CLIC5: variants seen among roughly 807,000 people sequenced by gnomAD.
CLIC5 encodes CLIC family member 5.
CLIC5 carries 20 observed loss-of-function variants against 24.7 expected under a neutral mutation model. The ratio of observed to expected loss-of-function variants is 0.81; its 90% CI spans 0.57 to 1.18. The LOEUF is 1.18. Among genes scored for constraint, CLIC5 ranks in the 50% most tolerant of loss-of-function variants. The pLI is 0.00. For synonymous variants in CLIC5, 159 were observed against 135.6 expected, an observed-to-expected ratio of 1.17 and a Z score of -1.20; for missense variants, 341 against 326.1, an observed-to-expected ratio of 1.05 and a Z score of -0.35.
intron 1 of CLIC5, among the ~76,000 whole-genome samples, chr6:46,055,239 A>ATT (rs1228444268): frequency 2.6e-5 from 4 of 152,206 alleles, no homozygotes; most frequent in African/African-American, 7.2e-5. Context: ...AGTAGCTGGA[A>ATT]TTACAGGTGC....
At chr6:45,977,300 T>C (rs1264966139) in intron 1 of CLIC5, among the ~76,000 whole-genome samples, 1 of 152,208 alleles carries the variant, frequency 6.6e-6, no homozygotes, top group Non-Finnish European at 1.5e-5. Flanking sequence ...CAAGCTTTAA[T>C]GACAAGCATA....
At chr6:46,048,601 C>A (rs1018235341) in intron 1 of CLIC5, among the ~76,000 whole-genome samples, 1 of 152,130 alleles carries the variant, frequency 6.6e-6, no homozygotes, top group African/African-American at 2.4e-5. Flanking sequence ...CCAGCAGTCA[C>A]CCCACCTCCC....
chr6:45,895,803 T>C (rs1762388839), downstream of CLIC5, among the ~76,000 whole-genome samples: 1 of 152,200 alleles, frequency 6.6e-6, no homozygotes, highest in Admixed American at 6.5e-5. Flanking sequence ...GAAAATGGTG[T>C]GAAACCAAGC....
chr6:46,033,348 T>A (rs1767566428), intron 1 of CLIC5, among the ~76,000 whole-genome samples: 1 of 152,112 alleles, frequency 6.6e-6, no homozygotes, highest in African/African-American at 2.4e-5. Flanking sequence ...TAAAGTATTA[T>A]AAGAAAACAT....
chr6:46,107,423 C>T, the CLIC5 span, among the ~76,000 whole-genome samples: 1 of 152,202 alleles, frequency 6.6e-6, no homozygotes, highest in Non-Finnish European at 1.5e-5. Flanking sequence ...ATAGTCTTCA[C>T]ATCCCTGTCC....
chr6:45,894,959 C>T (rs955157434), downstream of CLIC5, among the ~76,000 whole-genome samples: 30 of 152,092 alleles, frequency 2.0e-4, no homozygotes, highest in African/African-American at 6.3e-4. Context: ...ATATATTTGG[C>T]CCCAGAATTG....
chr6:45,942,377 G>A (rs907994009), intron 3 of CLIC5, among the ~76,000 whole-genome samples: 5 of 152,138 alleles, frequency 3.3e-5, no homozygotes, highest in Non-Finnish European at 5.9e-5. Flanking sequence ...GAGTTAGAAC[G>A]ATTGGCCTTG....
the CLIC5 span, among the ~76,000 whole-genome samples, chr6:46,088,872 A>G: frequency 3.9e-5 from 6 of 152,192 alleles, no homozygotes; most frequent in African/African-American, 1.4e-4. Flanking sequence ...TCAGGTAATA[A>G]ATAAGAACAT....
At chr6:46,020,446 A>G (rs1203989379), upstream of CLIC5, among the ~76,000 whole-genome samples, 1 of 152,150 alleles carries the variant, frequency 6.6e-6, no homozygotes. Context: ...AGAAATTTAT[A>G]CATAAAACAC....
the CLIC5 span, among the ~76,000 whole-genome samples, chr6:46,119,162 A>T: frequency 3.3e-5 from 5 of 152,320 alleles, no homozygotes; most frequent in African/African-American, 1.2e-4. Context: ...GGAAGTAAAA[A>T]ATTTGTGTTG....
chr6:46,039,424 C>A (rs1209906887), intron 1 of CLIC5, among the ~76,000 whole-genome samples: 1 of 151,776 alleles, frequency 6.6e-6, no homozygotes, highest in Admixed American at 6.6e-5. Context: ...AAGAAGTGAT[C>A]AGTATTTAAT....
chr6:45,986,588 TC>T (rs1765745293), intron 1 of CLIC5, among the ~76,000 whole-genome samples: 1 of 152,154 alleles, frequency 6.6e-6, no homozygotes, highest in East Asian at 1.9e-4. Flanking sequence ...GAGAAGGCCT[TC>T]TTTAAACTTT....
the CLIC5 span, among the ~76,000 whole-genome samples, chr6:46,110,140 A>G: frequency 6.6e-6 from 1 of 152,196 alleles, no homozygotes; most frequent in South Asian, 2.1e-4. Context: ...GTAGCAGAAC[A>G]TGTTCCATAT....
the CLIC5 span, among the ~76,000 whole-genome samples, chr6:46,127,458 C>A: frequency 6.6e-6 from 1 of 152,006 alleles, no homozygotes; most frequent in East Asian, 1.9e-4. Flanking sequence ...CTCTATATTT[C>A]CAAAATTTAT....
chr6:45,931,069 G>A (rs903921304), intron 4 of CLIC5, among the ~76,000 whole-genome samples: 2 of 152,198 alleles, frequency 1.3e-5, no homozygotes, highest in African/African-American at 4.8e-5. Context: ...AATATTTCAT[G>A]AAGTGAGAAT....
At chr6:45,943,633 G>A (rs1031211051) in intron 3 of CLIC5, among the ~76,000 whole-genome samples, 3 of 152,240 alleles carry the variant, frequency 2.0e-5, no homozygotes, top group African/African-American at 7.2e-5. Context: ...ATGCACCTCA[G>A]TGGACAGCTT....
At chr6:46,033,931 A>G (rs1244369134) in intron 1 of CLIC5, among the ~76,000 whole-genome samples, 1 of 152,236 alleles carries the variant, frequency 6.6e-6, no homozygotes, top group Non-Finnish European at 1.5e-5. Flanking sequence ...TGTTAATACA[A>G]GAGGTTATTA....
the CLIC5 span, among the ~76,000 whole-genome samples, chr6:46,092,067 A>G: frequency 1.4e-4 from 22 of 152,302 alleles, no homozygotes; most frequent in Non-Finnish European, 1.9e-4. Context: ...GTGTGAGGTG[A>G]TAACAACTCT....
chr6:45,884,531 T>C (rs1335336800), intron 6 of CLIC5, among the ~76,000 whole-genome samples: 1 of 152,154 alleles, frequency 6.6e-6, no homozygotes, highest in Non-Finnish European at 1.5e-5. Context: ...ACCTCTCTCA[T>C]TGGCTGGAAC....
Sources: gnomAD v4.1 joint callset for allele counts (sites outside exome capture counted in the v4.1 genomes callset) on GRCh38, gnomAD v4.1.1 for gene constraint, MANE v1.5 for transcripts, NCBI Gene and HGNC (gene_info 2026-07-23, HGNC 2026-07-21) for gene names.